The following RLIG1 variants were observed in gnomAD, a reference collection of about 807,000 sequenced individuals.
The protein encoded by RLIG1 is RNA 5'-phosphate and 3'-OH ligase 1, also known as RNA ligase 1.
At chr12:88,037,871 A>G in the RLIG1 span, among the ~76,000 whole-genome samples, 5 of 152,166 alleles carry the variant, frequency 3.3e-5, no homozygotes, top group Non-Finnish European at 7.4e-5. Context: ...AAAATAAATT[A>G]TAGATAAAAA....
At chr12:88,040,055 A>C in the RLIG1 span, 1 of 728,454 alleles carries the variant, frequency 1.4e-6, no homozygotes, top group Admixed American at 2.5e-5. Flanking sequence ...ATTCCTTAAA[A>C]CTAATGAAAT....
chr12:88,045,519 C>T, the RLIG1 span: 8 of 1,139,974 alleles, frequency 7.0e-6, no homozygotes, highest in Non-Finnish European at 1.0e-5. Context: ...ATATAAATTA[C>T]CTGTAGTGTC....
chr12:88,046,607 G>A, the RLIG1 span, among the ~76,000 whole-genome samples: 1 of 152,182 alleles, frequency 6.6e-6, no homozygotes, highest in Non-Finnish European at 1.5e-5. Flanking sequence ...CTGAACCGTG[G>A]TGGAGAGTAC....
chr12:88,040,133 C>T, the RLIG1 span: 4 of 1,478,496 alleles, frequency 2.7e-6, no homozygotes, highest in South Asian at 1.1e-5. Flanking sequence ...GGTTTTCTCT[C>T]TCTCTTTTTT....
At chr12:88,035,870 C>T in the RLIG1 span, 1 of 1,513,760 alleles carries the variant, frequency 6.6e-7, no homozygotes, top group East Asian at 2.5e-5. Flanking sequence ...CTGTAGGTTT[C>T]CCTGGGGAGG....
chr12:88,049,035 A>C, the RLIG1 span: 2 of 442,066 alleles, frequency 4.5e-6, no homozygotes, highest in East Asian at 7.1e-5. Flanking sequence ...AATTTCATAT[A>C]ATTTTATTTA....
the RLIG1 span, chr12:88,046,885 A>C: frequency 1.2e-6 from 2 of 1,612,562 alleles, no homozygotes. Context: ...CCTTCATTGA[A>C]GCACAATGAT....
At chr12:88,039,242 A>G in the RLIG1 span, among the ~76,000 whole-genome samples, 1 of 152,132 alleles carries the variant, frequency 6.6e-6, no homozygotes, top group Admixed American at 6.5e-5. Flanking sequence ...CTCCCTGAGA[A>G]TGTGACCTGA....
chr12:88,049,151 A>G, the RLIG1 span: 1 of 1,271,704 alleles, frequency 7.9e-7, no homozygotes, highest in South Asian at 1.4e-5. Flanking sequence ...AAGTTAATAA[A>G]TAGTTAAATG....
At chr12:88,048,625 T>C in the RLIG1 span, 2 of 360,860 alleles carry the variant, frequency 5.5e-6, no homozygotes, top group Non-Finnish European at 9.7e-6. Context: ...CATAAAAACA[T>C]AAGTAATAGT....
chr12:88,049,992 A>AAG, the RLIG1 span: 1 of 187,734 alleles, frequency 5.3e-6, no homozygotes, highest in Non-Finnish European at 1.1e-5. Flanking sequence ...ACAGTCTTAA[A>AAG]AGAGGTAAAA....
At chr12:88,049,429 AT>A in the RLIG1 span, 1 of 1,271,284 alleles carries the variant, frequency 7.9e-7, no homozygotes, top group Non-Finnish European at 1.1e-6. Flanking sequence ...TGGAAACATT[AT>A]CTTTAAAAGT....
the RLIG1 span, chr12:88,043,792 C>A: frequency 5.7e-6 from 6 of 1,058,028 alleles, no homozygotes; most frequent in East Asian, 1.0e-4. Flanking sequence ...TCAGAAATTA[C>A]AGAATTTTAA....
chr12:88,048,560 C>T, the RLIG1 span: 1 of 571,538 alleles, frequency 1.7e-6, no homozygotes, highest in Non-Finnish European at 2.7e-6. Flanking sequence ...TTTCCAGTTT[C>T]AAGTACCTAT....
the RLIG1 span, chr12:88,035,901 C>T: frequency 1.3e-6 from 2 of 1,503,080 alleles, no homozygotes; most frequent in Non-Finnish European, 1.8e-6. Flanking sequence ...GAGTTCCGTA[C>T]GCCCTGAGCT....
the RLIG1 span, chr12:88,049,011 T>A: frequency 3.8e-5 from 16 of 420,576 alleles, no homozygotes; most frequent in East Asian, 5.6e-4. Flanking sequence ...TATATACTTT[T>A]ATAATAAGTT....
the RLIG1 span, chr12:88,045,415 T>C: frequency 1.7e-6 from 1 of 596,986 alleles, no homozygotes; most frequent in Non-Finnish European, 2.9e-6. Flanking sequence ...TATGATTTTT[T>C]AAAAAGTAAT....
At chr12:88,042,010 C>A in the RLIG1 span, 1 of 152,128 alleles carries the variant, frequency 6.6e-6, no homozygotes. Context: ...TAAATTATTA[C>A]TACTAAGGCA....
chr12:88,041,710 C>T, the RLIG1 span: 13 of 152,222 alleles, frequency 8.5e-5, no homozygotes, highest in East Asian at 3.9e-4. Flanking sequence ...GAACCAGAAA[C>T]GATAATACAG....
Sources: allele counts gnomAD v4.1 joint callset (sites outside exome capture counted in the v4.1 genomes callset), GRCh38; gene constraint gnomAD v4.1.1; transcripts MANE v1.5; gene names NCBI Gene and HGNC (gene_info 2026-07-23, HGNC 2026-07-21).